The following BMERB1 variants were observed in gnomAD, a reference collection of about 807,000 sequenced individuals.
The protein encoded by BMERB1 is bMERB domain-containing protein 1.
BMERB1 carries 12 observed loss-of-function variants against 23.6 expected under a neutral mutation model. The observed-to-expected ratio is 0.51, with a 90% CI of 0.33 to 0.82. BMERB1 has a LOEUF of 0.82. Ranked by LOEUF, BMERB1 falls within the 40% of genes least tolerant of loss-of-function variation. The pLI is 0.03. For missense variants in BMERB1, 247 were observed against 255.4 expected, an observed-to-expected ratio of 0.97 and a Z score of 0.22; for synonymous variants, 122 against 96.6, an observed-to-expected ratio of 1.26 and a Z score of -1.54.
intron 1 of BMERB1, among the ~76,000 whole-genome samples, chr16:15,505,997 C>G (rs2051586309): frequency 6.6e-6 from 1 of 151,690 alleles, no homozygotes; most frequent in African/African-American, 2.4e-5. Flanking sequence ...TTTGGAAACA[C>G]TGTTTTGTAG....
intron 2 of BMERB1, among the ~76,000 whole-genome samples, chr16:15,530,356 A>C (rs1598498601): frequency 1.3e-5 from 2 of 152,336 alleles, no homozygotes; most frequent in East Asian, 3.9e-4. Flanking sequence ...ACCCAGGATG[A>C]TCTCCCCATC....
rs767648201 is a variant in BMERB1 at position 15,452,335 on chromosome 16, A to AGAGGGAGGGAGG, written c.106+17579_106+17580insGGAGGGAGGGAG. ...AAGGGAGAGAGAGGGAGGGAGGGAG[A>AGAGGGAGGGAGG]GAGAGAGAGAGAGAGAGAGAAAGAA... is the stretch of plus-strand genomic sequence containing the variant. On this transcript the variant is annotated intron_variant, in intron 1 of 5. Coordinates refer to ENST00000300006, the MANE Select transcript of BMERB1 (RefSeq NM_033201.3). Among the ~76,000 whole-genome samples, 10 of 130,528 alleles carry AGAGGGAGGGAGG rather than the reference A, an allele frequency of 7.7e-5. No homozygotes were observed. In the South Asian group the frequency reaches 7.7e-4, roughly 10 times the overall value. 85.6% of individuals were successfully genotyped at this position (130,528 alleles called of 152,430 possible). A position where few individuals can be genotyped will look rare whatever the true frequency, so the allele number is the denominator to read the frequency against.
intron 1 of BMERB1, among the ~76,000 whole-genome samples, chr16:15,462,612 G>C (rs2051145618): frequency 6.6e-6 from 1 of 152,090 alleles, no homozygotes; most frequent in East Asian, 1.9e-4. Flanking sequence ...AGGCCGGAGA[G>C]GGGAGTGACC....
chr16:15,547,467 A>G (rs540257078), intron 2 of BMERB1, among the ~76,000 whole-genome samples: 46 of 150,962 alleles, frequency 3.0e-4, no homozygotes, highest in Admixed American at 7.9e-4. Context: ...GCAGCCTCCC[A>G]AAGTAGCTAG....
At chr16:15,507,014 A>G (rs918292296) in intron 1 of BMERB1, among the ~76,000 whole-genome samples, 1 of 152,214 alleles carries the variant, frequency 6.6e-6, no homozygotes, top group Non-Finnish European at 1.5e-5. Context: ...GAGCTAGATC[A>G]TGGCTCCGGT....
intron 2 of BMERB1, among the ~76,000 whole-genome samples, chr16:15,524,996 A>T (rs1416428049): frequency 1.3e-5 from 2 of 152,168 alleles, no homozygotes; most frequent in Admixed American, 1.3e-4. Flanking sequence ...TATCAATTTT[A>T]TGCATCAACT....
At chr16:15,495,193 TTTA>T (rs905908088) in intron 1 of BMERB1, among the ~76,000 whole-genome samples, 1 of 151,306 alleles carries the variant, frequency 6.6e-6, no homozygotes, top group African/African-American at 2.4e-5. Context: ...CTAATTTACT[TTTA>T]TTATTATTAT....
chr16:15,549,457 G>A (rs2030017573), intron 2 of BMERB1, among the ~76,000 whole-genome samples: 1 of 152,038 alleles, frequency 6.6e-6, no homozygotes, highest in African/African-American at 2.4e-5. Context: ...GAGGCAGGCG[G>A]ATCACTAGGT....
chr16:15,534,519 A>G (rs938554438), intron 2 of BMERB1, among the ~76,000 whole-genome samples: 1 of 151,368 alleles, frequency 6.6e-6, no homozygotes, highest in Non-Finnish European at 1.5e-5. Flanking sequence ...GTGCCACTAC[A>G]CTCCAGCCTG....
At chr16:15,491,460 C>T (rs2051419112) in intron 1 of BMERB1, among the ~76,000 whole-genome samples, 1 of 151,226 alleles carries the variant, frequency 6.6e-6, no homozygotes, top group South Asian at 2.1e-4. Context: ...CTGGGATTAC[C>T]TGCCACCACG....
At chr16:15,556,483 G>A (rs1425541395) in intron 2 of BMERB1, among the ~76,000 whole-genome samples, 1 of 152,234 alleles carries the variant, frequency 6.6e-6, no homozygotes, top group Non-Finnish European at 1.5e-5. Context: ...ACTGAGATCT[G>A]CATTGAGATC....
chr16:15,579,480 A>C lies in BMERB1; in HGVS notation c.305-1737A>C, dbSNP rs570426953. On this transcript the variant is annotated intron_variant, in intron 3 of 5. Transcript: ENST00000300006. ...AACCAACTTTCTGTCCTATCCAAAT[A>C]TTATGTTCTCCTTACCCCTGGTTCT... 7.2e-5 allele frequency among the ~76,000 whole-genome samples: 11 copies of C among 152,246 alleles called. No individual in the cohort carries two copies. In the South Asian group the frequency reaches 2.3e-3, roughly 32 times the overall value.
intron 1 of BMERB1, among the ~76,000 whole-genome samples, chr16:15,443,541 AAAACAAAC>A (rs1012987970): frequency 2.0e-5 from 3 of 152,120 alleles, no homozygotes; most frequent in African/African-American, 7.2e-5. Context: ...CCTATCTCAA[AAAACAAAC>A]AAACAAACAA....
At chr16:15,555,013 C>T (rs1341995100) in intron 2 of BMERB1, among the ~76,000 whole-genome samples, 2 of 152,020 alleles carry the variant, frequency 1.3e-5, no homozygotes, top group Non-Finnish European at 2.9e-5. Flanking sequence ...CTAAGCAATA[C>T]TGGTGTTTGT....
At chr16:15,485,274 G>A (rs1306441182) in intron 1 of BMERB1, among the ~76,000 whole-genome samples, 1 of 152,066 alleles carries the variant, frequency 6.6e-6, no homozygotes, top group African/African-American at 2.4e-5. Context: ...TGCTGGATGG[G>A]GCAAAAAATC....
At chr16:15,458,683 C>T (rs150826) in intron 1 of BMERB1, among the ~76,000 whole-genome samples, 72,879 of 149,124 alleles carry the variant, frequency 0.49, 17,965 homozygotes, top group Admixed American at 0.6. Flanking sequence ...CACCACTGCA[C>T]TCCAGCCTGG....
intron 2 of BMERB1, among the ~76,000 whole-genome samples, chr16:15,543,981 G>A (rs1462925046): frequency 2.6e-5 from 4 of 152,100 alleles, no homozygotes; most frequent in African/African-American, 7.2e-5. Context: ...ACCTGCCCAC[G>A]GATGATTAAT....
At chr16:15,563,661 A>AGGGGAAGTCTTACGTGGCT (rs2030488269) in intron 2 of BMERB1, among the ~76,000 whole-genome samples, 1 of 152,192 alleles carries the variant, frequency 6.6e-6, no homozygotes, top group Non-Finnish European at 1.5e-5. Flanking sequence ...TGGAAGGCGA[A>AGGGGAAGTCTTACGTGGCT]GGGGAAGTCT....
intron 2 of BMERB1, among the ~76,000 whole-genome samples, chr16:15,533,470 C>T (rs2051990309): frequency 6.6e-6 from 1 of 151,484 alleles, no homozygotes; most frequent in African/African-American, 2.4e-5. Flanking sequence ...TCTTGGTTCA[C>T]TGCAACCTCT....
Sources: allele counts gnomAD v4.1 joint callset (sites outside exome capture counted in the v4.1 genomes callset), GRCh38; gene constraint gnomAD v4.1.1; transcripts MANE v1.5; gene names NCBI Gene and HGNC (gene_info 2026-07-23, HGNC 2026-07-21).